WDR59: variants seen among roughly 807,000 people sequenced by gnomAD.
The protein encoded by WDR59 is GATOR2 complex protein WDR59.
A neutral mutation model predicts 131.2 loss-of-function variants in WDR59; 100 were observed. The observed-to-expected ratio is 0.76, with a 90% confidence interval of 0.65 to 0.90. The LOEUF is 0.90. Ranked by LOEUF, WDR59 falls within the 40% of genes least tolerant of loss-of-function variation. The pLI, the probability that WDR59 is intolerant of heterozygous loss-of-function variation, is 0.00. For synonymous variants in WDR59, 601 were observed against 466.2 expected (o/e 1.29, Z -3.72); for missense variants, 1,203 against 1,262.2 (o/e 0.95, Z 0.71).
rs191096062 is a variant in WDR59 at position 74,959,826 on chromosome 16, T to C, written c.105-3216A>G. Among the ~76,000 whole-genome samples, 583 of 62,422 alleles carry C rather than the reference T, an allele frequency of 9.3e-3. 5 individuals are homozygous for C. The highest frequency in any genetic ancestry group is 0.035 in the African/African-American group (558 of 16,128). 41.0% of individuals were successfully genotyped at this position (62,422 alleles called of 152,430 possible). A position where few individuals can be genotyped will look rare whatever the true frequency, so the allele number is the denominator to read the frequency against. On this transcript the variant is annotated intron_variant, in intron 2 of 25. Coordinates refer to ENST00000262144, the MANE Select transcript of WDR59 (RefSeq NM_030581.4). ...GCCTCCCCACCGCCCTCCAAAATAA[T>C]AACAATAAGAAAAAAAAAAAAAGAG...
At chr16:74,978,776 T>C (rs988150744) in intron 1 of WDR59, among the ~76,000 whole-genome samples, 1 of 151,776 alleles carries the variant, frequency 6.6e-6, no homozygotes, top group Non-Finnish European at 1.5e-5. Context: ...ACTCTGGCTA[T>C]ATGGAAGATA....
chr16:74,883,940 T>C (rs113127512), intron 25 of WDR59, among the ~76,000 whole-genome samples: 2,291 of 152,242 alleles, frequency 0.015, 41 homozygotes, highest in African/African-American at 0.05. Flanking sequence ...CTCACACACA[T>C]CACTGACTAT....
chr16:74,952,445 C>CAA (rs61448932), intron 3 of WDR59, among the ~76,000 whole-genome samples: 33 of 62,700 alleles, frequency 5.3e-4, no homozygotes, highest in African/African-American at 8.8e-4. Flanking sequence ...CCATCTCAAA[C>CAA]AAAAAAAAAA....
At chr16:74,903,891 G>A in intron 18 of WDR59, 56 bp downstream of exon 18, 16 of 1,556,428 alleles carry the variant, frequency 1.0e-5, no homozygotes, top group Non-Finnish European at 1.3e-5. Flanking sequence ...CAGGAGATGA[G>A]GAACAAGAAT....
At chr16:74,895,023 AATC>A (rs1965225763) in intron 18 of WDR59, among the ~76,000 whole-genome samples, 1 of 152,240 alleles carries the variant, frequency 6.6e-6, no homozygotes, top group Non-Finnish European at 1.5e-5. Context: ...ATTTTTATAC[AATC>A]ATTCTTCCAT....
At chr16:74,942,884 A>T in intron 6 of WDR59, 58 bp from the exon 7 acceptor site, 1 of 1,512,690 alleles carries the variant, frequency 6.6e-7, no homozygotes, top group Non-Finnish European at 9.1e-7. Flanking sequence ...GAAGCAGAGC[A>T]GAGCACAGCC....
At chr16:74,875,359 G>T (rs1173929400) in intron 25 of WDR59, among the ~76,000 whole-genome samples, 1 of 152,174 alleles carries the variant, frequency 6.6e-6, no homozygotes, top group Non-Finnish European at 1.5e-5. Context: ...CAGGGGCAGT[G>T]GGTGGGGACT....
At chr16:74,940,494 A>G (rs1308868753) in intron 7 of WDR59, among the ~76,000 whole-genome samples, 3 of 152,230 alleles carry the variant, frequency 2.0e-5, no homozygotes, top group African/African-American at 7.2e-5. Context: ...GCCTATGTAC[A>G]ATAAATGCTC....
At chr16:74,933,055 T>C (rs139397999) in intron 8 of WDR59, among the ~76,000 whole-genome samples, 1 of 152,314 alleles carries the variant, frequency 6.6e-6, no homozygotes, top group East Asian at 1.9e-4. Flanking sequence ...GAAAAGATTT[T>C]TGTGCAAAAC....
At chr16:74,882,634 T>C (rs1367361587) in intron 25 of WDR59, among the ~76,000 whole-genome samples, 2 of 151,828 alleles carry the variant, frequency 1.3e-5, no homozygotes, top group Admixed American at 6.6e-5. Flanking sequence ...ATTAATTGTA[T>C]TGTATTGTAG....
Position 74,957,077 on chromosome 16 carries a change from T to C in WDR59, c.105-467A>G, listed in dbSNP as rs919011154. Among the ~76,000 whole-genome samples, 3 of 143,070 alleles carry C rather than the reference T, an allele frequency of 2.1e-5. No homozygotes were observed. The Admixed American group carries it at 2.2e-4, about 11-fold the overall frequency. The allele number at this position is 143,070 out of a possible 152,430, so 93.9% of individuals were successfully genotyped here. ...TGAACTATGTCTTGAATATCTTTTT[T>C]TTTCTTTTTTTTTTTTTTTTTGAGA... On this transcript the variant is annotated intron_variant, in intron 2 of 25. Transcript: ENST00000262144.
At chr16:74,937,412 T>C (rs2031889921) in intron 8 of WDR59, among the ~76,000 whole-genome samples, 2 of 152,234 alleles carry the variant, frequency 1.3e-5, no homozygotes, top group Admixed American at 1.3e-4. Context: ...AGACTAATTG[T>C]AAACTTTGAA....
chr16:74,911,890 A>G, intron 14 of WDR59: 1 of 514,464 alleles, frequency 1.9e-6, no homozygotes, highest in African/African-American at 1.9e-5. Flanking sequence ...ATTCTATGCA[A>G]TTCACATATT....
chr16:74,936,731 C>T (rs1278028697), intron 8 of WDR59, among the ~76,000 whole-genome samples: 1 of 152,080 alleles, frequency 6.6e-6, no homozygotes, highest in Non-Finnish European at 1.5e-5. Context: ...GAGGCTGAGG[C>T]AGGAGAATCG....
chr16:74,883,020 C>CTTTTTTT (rs948092826), intron 25 of WDR59, among the ~76,000 whole-genome samples: 3 of 111,276 alleles, frequency 2.7e-5, no homozygotes, highest in Admixed American at 9.3e-5. Context: ...TTGTTTTTTG[C>CTTTTTTT]TTTTTTTTTT....
chr16:74,977,223 C>G (rs1486233114), intron 1 of WDR59, among the ~76,000 whole-genome samples: 2 of 151,118 alleles, frequency 1.3e-5, no homozygotes, highest in East Asian at 3.9e-4. Flanking sequence ...GCCACAGTAA[C>G]AGCGAGATCG....
chr16:74,978,184 G>A (rs8049485), intron 1 of WDR59, among the ~76,000 whole-genome samples: 44,107 of 152,030 alleles, frequency 0.29, 7,111 homozygotes, highest in East Asian at 0.72. Context: ...TTAGCCAGGC[G>A]TGGTGATGGG....
At chr16:74,981,658 A>ATTTTTTTTTTTTT (rs2034430352) in intron 1 of WDR59, among the ~76,000 whole-genome samples, 3 of 75,522 alleles carry the variant, frequency 4.0e-5, no homozygotes, top group African/African-American at 2.4e-4. Context: ...ATATATATAT[A>ATTTTTTTTTTTTT]TATTTTTTTT....
intron 18 of WDR59, 83 bp downstream of exon 18, chr16:74,903,864 C>T (rs1307002008): frequency 2.7e-6 from 4 of 1,479,398 alleles, no homozygotes; most frequent in Non-Finnish European, 3.6e-6. Flanking sequence ...GATTACTAAT[C>T]TAGCTGCTGC....
Sources: gnomAD v4.1 joint callset for allele counts (sites outside exome capture counted in the v4.1 genomes callset) on GRCh38, gnomAD v4.1.1 for gene constraint, MANE v1.5 for transcripts, NCBI Gene and HGNC (gene_info 2026-07-23, HGNC 2026-07-21) for gene names.